TMEM26: variants seen among roughly 807,000 people sequenced by gnomAD.
TMEM26 encodes the protein transmembrane protein 26.
In TMEM26, 38 loss-of-function variants were observed where a neutral mutation model predicts 28.8. The ratio of observed to expected loss-of-function variants is 1.32; its 90% CI spans 1.02 to 1.73. The LOEUF (loss-of-function observed/expected upper bound fraction) is 1.73, where lower values mean the gene tolerates loss of function less well. Among genes scored for constraint, TMEM26 ranks in the 40% most tolerant of loss-of-function variants. TMEM26 has a pLI of 0.00. For synonymous variants in TMEM26, 227 were observed against 182.9 expected, an observed-to-expected ratio of 1.24 and a Z score of -1.95; for missense variants, 518 against 447.1, an observed-to-expected ratio of 1.16 and a Z score of -1.43.
At position 61,432,655 on chromosome 10, in the gene TMEM26, T is replaced by TA. The variant is rs1839941291; in HGVS notation, c.271-1324_271-1323insT. Reference sequence around the variant, plus strand: ...TTGTATTTAGAGAGGACTTATTTTTTTAAAAAAAATTAAAGCTGTAAGAAG... The same window carrying TA: ...TTGTATTTAGAGAGGACTTATTTTTTATAAAAAAAATTAAAGCTGTAAGAAG... On this transcript the variant is annotated intron_variant, in intron 2 of 5. Transcript: ENST00000399298. Among the ~76,000 whole-genome samples the TA allele has an allele frequency of 1.5e-4, 23 of 151,808 alleles. 1 individual carries two copies. The South Asian group carries it at 3.5e-3, about 23-fold the overall frequency.
chr10:61,441,086 T>C (rs1236774065), intron 1 of TMEM26, among the ~76,000 whole-genome samples: 2 of 152,354 alleles, frequency 1.3e-5, no homozygotes, highest in Middle Eastern at 3.4e-3. Context: ...TTATTGTGTT[T>C]TTTTTCCCAA....
In TMEM26 at chr10:61,429,272, A is replaced by G. The variant is rs1004189999; in HGVS notation, c.385-126T>C. 6 of 744,252 alleles carry G rather than the reference A, an allele frequency of 8.1e-6. No homozygotes were observed. In the Admixed American group the frequency reaches 1.1e-4, roughly 14 times the overall value. The allele number at this position is 744,252 out of a possible 1,614,324, so 46.1% of individuals were successfully genotyped here. A position where few individuals can be genotyped will look rare whatever the true frequency, so the allele number is the denominator to read the frequency against. On this transcript the variant is annotated intron_variant, in intron 3 of 5. Coordinates refer to ENST00000399298, the MANE Select transcript of TMEM26 (RefSeq NM_178505.8). The stretch of plus-strand genomic sequence containing the variant: ...GAGTAATTTTCAGGAGTTATTCTTT[A>G]CTTACTAAAGAAAGTAAAATGCCTT...
intron 4 of TMEM26, among the ~76,000 whole-genome samples, chr10:61,426,551 T>G (rs1839836293): frequency 6.6e-6 from 1 of 152,090 alleles, no homozygotes; most frequent in Non-Finnish European, 1.5e-5. Flanking sequence ...AAAAATGGAA[T>G]TTGACATATT....
chr10:61,442,224 T>C (rs980285386), intron 1 of TMEM26, among the ~76,000 whole-genome samples: 1 of 152,208 alleles, frequency 6.6e-6, no homozygotes, highest in African/African-American at 2.4e-5. Context: ...AAATGATATG[T>C]CATGACATTT....
chr10:61,410,089 T>C lies in TMEM26; in HGVS notation c.*233A>G. ...TCAAGACAAACAAATCACTTAGTCG[T>C]TGAACAACTATAACATCTGATACCA... is the stretch of plus-strand genomic sequence containing the variant. On this transcript the variant is annotated 3_prime_UTR_variant, in exon 6 of 6. Coordinates refer to ENST00000399298, the MANE Select transcript of TMEM26 (RefSeq NM_178505.8). The C allele has an allele frequency of 1.8e-6, 1 of 553,248 alleles. No individual in the cohort carries two copies. Among genetic ancestry groups the C allele is most frequent in the Non-Finnish European group, 3.2e-6 (1 of 312,800 alleles). The allele number at this position is 553,248 out of a possible 1,614,324, so 34.3% of individuals were successfully genotyped here.
chr10:61,429,139 A>C lies in TMEM26; in HGVS notation c.392T>G (p.Val131Gly), dbSNP rs1177619704. 1.1e-5 allele frequency: 17 copies of C among 1,612,340 alleles called. No individual in the cohort carries two copies. The South Asian group carries it at 1.9e-4, about 18-fold the overall frequency. Residue 131 changes from valine (V) to glycine (G), a missense_variant, in exon 4 of 6, where the codon GTT (valine) becomes GGT (glycine). Coordinates refer to ENST00000399298, the MANE Select transcript of TMEM26 (RefSeq NM_178505.8). ...RADDLIETAK[V>G]FVNNLSTVCE... is the part of the protein sequence containing the mutation. ...TACTGTAGATAAGTTATTCACAAAA[A>C]CTTTGGCCTGTTTAACAGAAATGTC...
intron 4 of TMEM26, among the ~76,000 whole-genome samples, chr10:61,415,477 A>G (rs530256351): frequency 6.6e-6 from 1 of 152,196 alleles, no homozygotes; most frequent in South Asian, 2.1e-4. Context: ...CATTCATGCC[A>G]GGCAGTTTTC....
At position 61,431,214 on chromosome 10, in the gene TMEM26, C is replaced by A; in HGVS notation, c.384+5G>T. On this transcript the variant is annotated splice_donor_5th_base_variant and intron_variant, in intron 3 of 5. Coordinates refer to ENST00000399298, the MANE Select transcript of TMEM26 (RefSeq NM_178505.8). The stretch of plus-strand genomic sequence containing the variant: ...TCCTTTAATAAACAGTGGAAAAGCT[C>A]TCACCGTCTCAATGAGATCATCAGC... The A allele has an allele frequency of 6.2e-7, 1 of 1,609,720 alleles. No individual in the cohort carries two copies. The highest frequency in any genetic ancestry group is 8.5e-7 in the Non-Finnish European group (1 of 1,176,398).
chr10:61,426,736 T>C (rs973670452), intron 4 of TMEM26, among the ~76,000 whole-genome samples: 2 of 152,230 alleles, frequency 1.3e-5, no homozygotes, highest in African/African-American at 4.8e-5. Context: ...CTATTAGATA[T>C]AAATATCTTT....
chr10:61,453,316 C>T lies in TMEM26; in HGVS notation c.-235G>A, dbSNP rs1376926173. On this transcript the variant is annotated 5_prime_UTR_variant, in exon 1 of 6. Coordinates refer to ENST00000399298, the MANE Select transcript of TMEM26 (RefSeq NM_178505.8). ...TGAGTCCAAACCCAGCTTTTCCAGA[C>T]TGCTGGGTTTTCCAGGGAGTCTGGG... 9.8e-6 allele frequency: 5 copies of T among 512,028 alleles called. No individual in the cohort carries two copies. Among genetic ancestry groups the T allele is most frequent in the South Asian group, 2.7e-5 (1 of 37,038 alleles). 31.7% of individuals were successfully genotyped at this position (512,028 alleles called of 1,614,324 possible). A position where few individuals can be genotyped will look rare whatever the true frequency, so the allele number is the denominator to read the frequency against.
rs187274932 is a variant in TMEM26, at chr10:61,445,607, C to T, written c.191+7284G>A. Among the ~76,000 whole-genome samples the T allele has an allele frequency of 2.6e-4, 40 of 152,080 alleles. No individual in the cohort carries two copies. In the East Asian group the frequency reaches 7.5e-3, roughly 29 times the overall value. On this transcript the variant is annotated intron_variant, in intron 1 of 5. Coordinates refer to ENST00000399298, the MANE Select transcript of TMEM26 (RefSeq NM_178505.8). Reference sequence around the variant, plus strand: ...CACCCTGGCATGTTACATTAACAAGCCTTATATTCTTAATATATTTTCAAT... The same window carrying T: ...CACCCTGGCATGTTACATTAACAAGTCTTATATTCTTAATATATTTTCAAT...
At chr10:61,450,516 G>A (rs531439895) in intron 1 of TMEM26, among the ~76,000 whole-genome samples, 2 of 152,020 alleles carry the variant, frequency 1.3e-5, no homozygotes, top group Non-Finnish European at 2.9e-5. Context: ...CCACAAAAAT[G>A]AGCATATGTC....
intron 4 of TMEM26, among the ~76,000 whole-genome samples, chr10:61,426,948 C>A (rs1004335236): frequency 1.3e-5 from 2 of 151,840 alleles, no homozygotes; most frequent in Non-Finnish European, 2.9e-5. Context: ...AATTTTATAT[C>A]CTTCCTAGGC....
chr10:61,444,064 C>G (rs1010850325), intron 1 of TMEM26, among the ~76,000 whole-genome samples: 1 of 152,130 alleles, frequency 6.6e-6, no homozygotes, highest in African/African-American at 2.4e-5. Context: ...CACTCATAAC[C>G]ACTACTACCT....
In TMEM26 at chr10:61,410,733, C is replaced by G. The variant is rs758819953; in HGVS notation, c.696G>C (p.Val232=). The G allele has an allele frequency of 6.2e-7, 1 of 1,613,838 alleles. No homozygotes were observed. The change falls in exon 6 of 6, where the codon GTG becomes GTC. Residue 232 remains valine, a synonymous_variant. Coordinates refer to ENST00000399298, the MANE Select transcript of TMEM26 (RefSeq NM_178505.8). ...CCCTCTCTGTCACAGACACAGGGCA[C>G]ACAACGTTCTGTACTGAAAACACAA... ...FPLDLAVQNV[V]CPVSVTERGF... is the part of the protein sequence containing the mutation.
intron 2 of TMEM26, among the ~76,000 whole-genome samples, chr10:61,432,658 A>G: frequency 6.8e-6 from 1 of 146,524 alleles, no homozygotes; most frequent in Non-Finnish European, 1.5e-5. Flanking sequence ...TATTTTTTTA[A>G]AAAAAATTAA....
intron 1 of TMEM26, among the ~76,000 whole-genome samples, chr10:61,447,424 T>C (rs979745347): frequency 1.3e-5 from 2 of 152,238 alleles, no homozygotes; most frequent in African/African-American, 4.8e-5. Flanking sequence ...ACTTTTCAAA[T>C]GCAATTGAGT....
chr10:61,429,959 T>C (rs1000864082), intron 3 of TMEM26, among the ~76,000 whole-genome samples: 2 of 152,040 alleles, frequency 1.3e-5, no homozygotes, highest in African/African-American at 4.8e-5. Flanking sequence ...CATTTACCCC[T>C]CTCCATCACT....
At position 61,408,853 on chromosome 10, in the gene TMEM26, C is replaced by T; in HGVS notation, c.*1469G>A. 6.6e-6 allele frequency: 1 copy of T among 152,114 alleles called. No homozygotes were observed. Among genetic ancestry groups the T allele is most frequent in the Admixed American group, 6.5e-5 (1 of 15,278 alleles). The allele number at this position is 152,114 out of a possible 1,614,324, so 9.4% of individuals were successfully genotyped here. A position where few individuals can be genotyped will look rare whatever the true frequency, so the allele number is the denominator to read the frequency against. On this transcript the variant is annotated 3_prime_UTR_variant, in exon 6 of 6. Transcript: ENST00000399298. ...CATTTATGAGAAAATATGCATGACT[C>T]TGTATAAAAACACAATTTGTCTATA...
Sources: gnomAD v4.1 joint callset for allele counts (sites outside exome capture counted in the v4.1 genomes callset) on GRCh38, gnomAD v4.1.1 for gene constraint, MANE v1.5 for transcripts, NCBI Gene and HGNC (gene_info 2026-07-23, HGNC 2026-07-21) for gene names.